Variants in DHRSX observed in about 807,000 individuals in gnomAD.
DHRSX encodes dehydrogenase/reductase X-linked.
A neutral mutation model predicts 34.0 loss-of-function variants in DHRSX; 31 were observed. The observed-to-expected ratio is 0.91, with a 90% CI of 0.69 to 1.23. The LOEUF is 1.23. Among genes scored for constraint, DHRSX ranks in the 50% most tolerant of loss-of-function variants. The pLI is 0.00. For synonymous variants in DHRSX, 201 were observed against 183.8 expected, an observed-to-expected ratio of 1.09 and a Z score of -0.76; for missense variants, 414 against 428.1, an observed-to-expected ratio of 0.97 and a Z score of 0.29.
chrX:2,275,805 A>G (rs114751810), intron 4 of DHRSX, among the ~76,000 whole-genome samples: 63,215 of 151,166 alleles, frequency 0.42, 14,707 homozygotes, highest in Non-Finnish European at 0.55. Flanking sequence ...GGAAATAAAT[A>G]AATAAAATAA....
intron 3 of DHRSX, among the ~76,000 whole-genome samples, chrX:2,301,771 T>C (rs1602900077): frequency 6.6e-6 from 1 of 152,252 alleles, no homozygotes; most frequent in African/African-American, 2.4e-5. Context: ...CCTGAGTAGC[T>C]GGGACTACAG....
intron 5 of DHRSX, among the ~76,000 whole-genome samples, chrX:2,243,652 A>G (rs1179437730): frequency 6.6e-5 from 10 of 151,464 alleles, no homozygotes; most frequent in Non-Finnish European, 1.5e-4. Context: ...ACACCCTGCT[A>G]ATTTTTTGTA....
intron 5 of DHRSX, among the ~76,000 whole-genome samples, chrX:2,253,208 G>T (rs2016475012): frequency 6.6e-6 from 1 of 151,578 alleles, no homozygotes; most frequent in African/African-American, 2.4e-5. Flanking sequence ...GCACGGCCTG[G>T]GAGGCGGACA....
intron 1 of DHRSX, among the ~76,000 whole-genome samples, chrX:2,472,143 C>CAAA (rs112638597): frequency 0.19 from 23,230 of 120,340 alleles, 2,655 homozygotes; most frequent in African/African-American, 0.33. Flanking sequence ...GAAACTGTCT[C>CAAA]AAAAAAAAAA....
intron 1 of DHRSX, among the ~76,000 whole-genome samples, chrX:2,477,024 A>C (rs2041247296): frequency 6.6e-6 from 1 of 152,058 alleles, no homozygotes; most frequent in Non-Finnish European, 1.5e-5. Context: ...AACAAACAAA[A>C]AAACACCACA....
intron 6 of DHRSX, among the ~76,000 whole-genome samples, chrX:2,224,455 G>A (rs2015590725): frequency 6.6e-6 from 1 of 152,124 alleles, no homozygotes; most frequent in African/African-American, 2.4e-5. Flanking sequence ...ACCGTTTTAG[G>A]GGGCAAGATA....
chrX:2,415,764 A>T (rs761302152), intron 2 of DHRSX, among the ~76,000 whole-genome samples: 1 of 151,974 alleles, frequency 6.6e-6, no homozygotes, highest in East Asian at 1.9e-4. Flanking sequence ...ATTAGATCTC[A>T]TCATGACCAA....
chrX:2,267,043 T>TC, intron 4 of DHRSX, 96 bp from the exon 5 acceptor site: 2 of 1,285,660 alleles, frequency 1.6e-6, no homozygotes, highest in South Asian at 2.5e-5. Context: ...GCCCAGGACA[T>TC]CGGAGGGTGG....
intron 1 of DHRSX, among the ~76,000 whole-genome samples, chrX:2,485,942 T>G (rs2044913945): frequency 1.4e-5 from 2 of 143,182 alleles, no homozygotes; most frequent in South Asian, 2.3e-4. Context: ...AAAGGAAGGA[T>G]TTGTTGGCTG....
chrX:2,465,809 C>CAAAAAAAAAAAAAAAAAAA (rs375728172), intron 1 of DHRSX, among the ~76,000 whole-genome samples: 6 of 84,736 alleles, frequency 7.1e-5, no homozygotes, highest in African/African-American at 2.3e-4. Context: ...AACTCCATCG[C>CAAAAAAAAAAAAAAAAAAA]AAAAAAAAAA....
At chrX:2,233,351 A>T (rs2015941461) in intron 6 of DHRSX, among the ~76,000 whole-genome samples, 1 of 141,080 alleles carries the variant, frequency 7.1e-6, no homozygotes, top group Admixed American at 7.5e-5. Flanking sequence ...CTTAAATAAC[A>T]CATCCTGTTT....
At chrX:2,263,539 A>G (rs1276986277) in intron 5 of DHRSX, among the ~76,000 whole-genome samples, 4 of 142,576 alleles carry the variant, frequency 2.8e-5, no homozygotes, top group African/African-American at 8.1e-5. Flanking sequence ...TTGAGACGGA[A>G]TTTTGCTGTT....
chrX:2,462,214 GAAA>G (rs954437650), intron 1 of DHRSX, among the ~76,000 whole-genome samples: 5 of 148,192 alleles, frequency 3.4e-5, no homozygotes, highest in Non-Finnish European at 6.0e-5. Flanking sequence ...AAAGTAGCAA[GAAA>G]AAAAAAGAAC....
chrX:2,456,062 G>A (rs1243196891), intron 1 of DHRSX, among the ~76,000 whole-genome samples: 1 of 152,024 alleles, frequency 6.6e-6, no homozygotes, highest in Admixed American at 6.6e-5. Flanking sequence ...GCTTTAGCCA[G>A]TTTGTTCACA....
At chrX:2,340,342 TA>T (rs1329883003) in intron 3 of DHRSX, among the ~76,000 whole-genome samples, 1 of 151,890 alleles carries the variant, frequency 6.6e-6, no homozygotes, top group African/African-American at 2.4e-5. Context: ...AGTATAATAA[TA>T]AAAAAAGTAA....
intron 5 of DHRSX, among the ~76,000 whole-genome samples, chrX:2,254,550 C>G (rs2041249543): frequency 6.6e-6 from 1 of 152,186 alleles, no homozygotes; most frequent in African/African-American, 2.4e-5. Context: ...GATATCTACG[C>G]TTAATATTCT....
At chrX:2,498,218 C>T (rs2045328383) in intron 1 of DHRSX, among the ~76,000 whole-genome samples, 1 of 152,268 alleles carries the variant, frequency 6.6e-6, no homozygotes. Flanking sequence ...AAGAAGAACA[C>T]GCTCCATTTG....
At chrX:2,351,110 C>T (rs12860124) in intron 3 of DHRSX, among the ~76,000 whole-genome samples, 77,528 of 151,756 alleles carry the variant, frequency 0.51, 20,349 homozygotes, top group Non-Finnish European at 0.56. Context: ...GGGAGGGCAT[C>T]AGGGCAAATA....
rs1172821221 is a variant in DHRSX, at chrX:2,459,542, GTC to G, written c.110-34240_110-34239del. Among the ~76,000 whole-genome samples, 3 of 86,108 alleles carry G rather than the reference GTC, an allele frequency of 3.5e-5. No individual in the cohort carries two copies. In the East Asian group the frequency reaches 8.9e-4, roughly 26 times the overall value. The allele number at this position is 86,108 out of a possible 152,430, so 56.5% of individuals were successfully genotyped here. On this transcript the variant is annotated intron_variant, in intron 1 of 6. Coordinates refer to ENST00000334651, the MANE Select transcript of DHRSX (RefSeq NM_145177.3). ...AGAGAGAGAGAGAGAGAGAATGTGT[GTC>G]TGTGTGTATATATATATATATATAT... is the stretch of plus-strand genomic sequence containing the variant.
Sources: gnomAD v4.1 joint callset for allele counts (sites outside exome capture counted in the v4.1 genomes callset) on GRCh38, gnomAD v4.1.1 for gene constraint, MANE v1.5 for transcripts, NCBI Gene and HGNC (gene_info 2026-07-23, HGNC 2026-07-21) for gene names.